Variants in SALL4 observed in about 807,000 individuals in gnomAD.
The protein encoded by SALL4 is sal-like protein 4.
Under a neutral mutation model 60.8 loss-of-function variants are expected in SALL4, and 4 were observed. That is an observed-to-expected ratio of 0.07 (90% CI 0.03 to 0.15). The LOEUF (loss-of-function observed/expected upper bound fraction) is 0.15. Ranked by LOEUF, SALL4 falls within the 10% of genes least tolerant of loss-of-function variation. The pLI, the probability that SALL4 is intolerant of heterozygous loss-of-function variation, is 1.00. For missense variants in SALL4, 1,178 were observed against 1,394.7 expected, an observed-to-expected ratio of 0.84 and a Z score of 2.48; for synonymous variants, 580 against 574.9, an observed-to-expected ratio of 1.01 and a Z score of -0.13.
At position 51,791,604 on chromosome 20, in the gene SALL4, C is replaced by T. The variant is rs2078043054; in HGVS notation, c.879G>A (p.Lys293=). 6.2e-7 allele frequency: 1 copy of T among 1,613,540 alleles called. No homozygotes were observed. Among genetic ancestry groups the T allele is most frequent in the Non-Finnish European group, 8.5e-7 (1 of 1,180,050 alleles). ...CAGAAGGGATGTTGGCGTGAGGTAG[C>T]TTGGCTTGTTTCAAGGCATCCAGAG... ...GLSLDALKQA[K]LPHANIPSAT... The change falls in exon 2 of 4, where the codon AAG becomes AAA. Residue 293 remains lysine (K), a synonymous_variant. Transcript: ENST00000217086. This position sits in a 1 kb window ranked among gnomAD's most constrained non-coding sequence, Gnocchi z 4.6.
In SALL4 at chr20:51,791,230, C is replaced by G; in HGVS notation, c.1253G>C (p.Arg418Pro). The G allele has an allele frequency of 6.2e-7, 1 of 1,614,006 alleles. No individual in the cohort carries two copies. Among genetic ancestry groups the G allele is most frequent in the Non-Finnish European group, 8.5e-7 (1 of 1,180,016 alleles). Residue 418 changes from arginine (R) to proline (P), a missense_variant, in exon 2 of 4, where the codon CGC becomes CCC. Arg to Pro is a moderately radical substitution (Grantham distance 103). Around this residue, in one of 5 missense-constraint regions of SALL4, gnomAD observed 853 missense variants for 1,036.8 expected, o/e 0.82. Transcript: ENST00000217086. This position sits in a 1 kb window ranked among gnomAD's most constrained non-coding sequence, Gnocchi z 4.6. ...RPFVCSVCGHRFTTKGNLKVH... is the reference protein window; with the variant it reads ...RPFVCSVCGHPFTTKGNLKVH... ...CTTGAGGTTGCCCTTGGTGGTGAAG[C>G]GATGACCACAGACAGAGCACACGAA...
chr20:51,784,661 C>A lies in SALL4; in HGVS notation c.2766G>T (p.Ala922=), dbSNP rs751728707. 5.0e-6 allele frequency: 8 copies of A among 1,614,104 alleles called. No homozygotes were observed. Among genetic ancestry groups the A allele is most frequent in the Non-Finnish European group, 6.8e-6 (8 of 1,180,022 alleles). ...TTCCACGGCGGGCTGAGTTATTGTT[C>A]GCCCCGTGTGTCATGTAGTGAACCT... The part of the protein sequence containing the change: ...NLKVHYMTHG[A]NNNSARRGRK... The change falls in exon 4 of 4, where the codon GCG becomes GCT. Residue 922 remains alanine, a synonymous_variant. Coordinates refer to ENST00000217086, the MANE Select transcript of SALL4 (RefSeq NM_020436.5).
At chr20:51,796,711 A>G (rs2078081771) in intron 1 of SALL4, among the ~76,000 whole-genome samples, 1 of 152,156 alleles carries the variant, frequency 6.6e-6, no homozygotes, top group African/African-American at 2.4e-5. Flanking sequence ...CTTAAATACT[A>G]TTTAACAGCA....
rs1295275935 is a variant in SALL4, at chr20:51,784,086, C to T, written c.*179G>A. ...TTTATTTTTTCAACTTTTTGCAAAG[C>T]AGCATAGCAACAATCGTGATTGTAG... is the stretch of plus-strand genomic sequence containing the variant. On this transcript the variant is annotated 3_prime_UTR_variant, in exon 4 of 4. Coordinates refer to ENST00000217086, the MANE Select transcript of SALL4 (RefSeq NM_020436.5). 1.5e-6 allele frequency: 1 copy of T among 687,126 alleles called. No individual in the cohort carries two copies. Among genetic ancestry groups the T allele is most frequent in the Non-Finnish European group, 2.4e-6 (1 of 409,274 alleles). The allele number at this position is 687,126 out of a possible 1,614,324, so 42.6% of individuals were successfully genotyped here. A position where few individuals can be genotyped will look rare whatever the true frequency, so the allele number is the denominator to read the frequency against.
chr20:51,793,647 T>C (rs2078062907), intron 1 of SALL4, among the ~76,000 whole-genome samples: 3 of 152,276 alleles, frequency 2.0e-5, no homozygotes, highest in Admixed American at 2.0e-4. Context: ...CAGGCTGGTC[T>C]CAAACTCCTG....
At chr20:51,789,274 C>CG in intron 2 of SALL4, 133 bp from the exon 3 acceptor site, 1 of 916,494 alleles carries the variant, frequency 1.1e-6, no homozygotes, top group East Asian at 2.6e-5. Context: ...AAGTAATTAA[C>CG]ACCTTCCCCT....
At position 51,801,377 on chromosome 20, in the gene SALL4, C is replaced by A. The variant is rs532273944; in HGVS notation, c.130+902G>T. 4.8e-4 allele frequency: 73 copies of A among 152,414 alleles called. No homozygotes were observed. The highest frequency in any genetic ancestry group is 3.4e-3 in the Middle Eastern group (1 of 294). 9.4% of individuals were successfully genotyped at this position (152,414 alleles called of 1,614,324 possible). On this transcript the variant is annotated intron_variant, in intron 1 of 3. Coordinates refer to ENST00000217086, the MANE Select transcript of SALL4 (RefSeq NM_020436.5). The surrounding 1 kb of genome is among the most constrained non-coding windows in gnomAD (Gnocchi z 5.2). Reference sequence around the variant, plus strand: ...GCCCCCCACCTCTCCCCTTTCACACCCAAGCGCAAATGTGGAAAGCCGAGC... The same window carrying A: ...GCCCCCCACCTCTCCCCTTTCACACACAAGCGCAAATGTGGAAAGCCGAGC...
chr20:51,802,496 G>A lies in SALL4; in HGVS notation c.-88C>T, dbSNP rs1311625467. On this transcript the variant is annotated 5_prime_UTR_variant, in exon 1 of 4. Transcript: ENST00000217086. The stretch of plus-strand genomic sequence containing the variant: ...GAGTTGGGAAATTTACCCCCCTTCG[G>A]CCGGAACGCGCATGTCCCAGTAATT... 1.3e-6 allele frequency: 2 copies of A among 1,582,396 alleles called. No individual in the cohort carries two copies. Among genetic ancestry groups the A allele is most frequent in the Non-Finnish European group, 1.7e-6 (2 of 1,161,522 alleles).
chr20:51,784,367 C>A lies in SALL4; in HGVS notation c.3060G>T (p.Gln1020His). ...TTTCCACATCTGCACTGATACCCGA[C>A]TGGGAGCCATCCATCTTGGAGACAG... ...NATVSKMDGS[Q>H]SGISADVEKP... Residue 1020 changes from glutamine (Q) to histidine (H), a missense_variant, in exon 4 of 4, where the codon CAG becomes CAT. Physicochemically the swap from Gln to His is conservative, Grantham distance 24. This residue lies in a region of SALL4 where 174 missense variants were observed against 169.6 expected (regional missense o/e 1.03). Coordinates refer to ENST00000217086, the MANE Select transcript of SALL4 (RefSeq NM_020436.5). 3.1e-6 allele frequency: 5 copies of A among 1,614,244 alleles called. No homozygotes were observed. The highest frequency in any genetic ancestry group is 4.2e-6 in the Non-Finnish European group (5 of 1,180,050).
intron 1 of SALL4, chr20:51,797,674 A>T (rs2078086725): frequency 6.6e-6 from 1 of 152,078 alleles, no homozygotes; most frequent in South Asian, 2.1e-4. Context: ...CAGAGGGATT[A>T]CACAGCAACT....
intron 1 of SALL4, chr20:51,793,105 G>A (rs1431100441): frequency 1.6e-5 from 5 of 318,196 alleles, no homozygotes; most frequent in Admixed American, 6.5e-5. Context: ...TGAGAAATAT[G>A]CAGAATTTCT....
At position 51,791,559 on chromosome 20, in the gene SALL4, T is replaced by G. The variant is rs777835508; in HGVS notation, c.924A>C (p.Pro308=). 1.2e-6 allele frequency: 2 copies of G among 1,613,774 alleles called. No homozygotes were observed. The highest frequency in any genetic ancestry group is 1.7e-6 in the Non-Finnish European group (2 of 1,180,022). Residue 308 remains proline, a synonymous_variant, in exon 2 of 4, where the codon CCA becomes CCC. Transcript: ENST00000217086. This position sits in a 1 kb window ranked among gnomAD's most constrained non-coding sequence, Gnocchi z 4.6. ...GCTTCAGAGTGAAGGGTGCCAGCCC[T>G]GGGGACAGGGAGCTGGTGGCAGAAG... is the stretch of plus-strand genomic sequence containing the variant. ...NIPSATSSLS[P]GLAPFTLKPD...
chr20:51,784,457 G>T lies in SALL4; in HGVS notation c.2970C>A (p.Ile990=). ...GGAGGGTAGGAACCCCCCCACTCTG[G>T]ATCACAGAGATCTCATTGGTCTTCA... is the stretch of plus-strand genomic sequence containing the variant. ...LAVKTNEISV[I]QSGGVPTLPV... Residue 990 remains isoleucine (I), a synonymous_variant, in exon 4 of 4, where the codon ATC becomes ATA. Coordinates refer to ENST00000217086, the MANE Select transcript of SALL4 (RefSeq NM_020436.5). The T allele has an allele frequency of 6.2e-7, 1 of 1,614,182 alleles. No individual in the cohort carries two copies. Among genetic ancestry groups the T allele is most frequent in the Non-Finnish European group, 8.5e-7 (1 of 1,180,042 alleles).
chr20:51,785,673 T>G (rs1392095330), intron 3 of SALL4, among the ~76,000 whole-genome samples: 1 of 152,120 alleles, frequency 6.6e-6, no homozygotes, highest in Non-Finnish European at 1.5e-5. Flanking sequence ...AGACGGAGTC[T>G]CGCTCTGTCG....
rs1184036360 is a variant in SALL4 at position 51,792,073 on chromosome 20, C to T, written c.410G>A (p.Gly137Asp). 1 of 1,614,184 alleles carries T rather than the reference C, an allele frequency of 6.2e-7. No individual in the cohort carries two copies. The highest frequency in any genetic ancestry group is 8.5e-7 in the Non-Finnish European group (1 of 1,180,038). ...CTCCTTCATGTCCTCTGAGCTGCCGCCATTCTCCCTGTGACAGTCCTTACT... is the reference window on the plus strand; with the variant it reads ...CTCCTTCATGTCCTCTGAGCTGCCGTCATTCTCCCTGTGACAGTCCTTACT... Reference protein sequence around the residue: ...PGSKDCHRENGGSSEDMKEKP... With the variant: ...PGSKDCHRENDGSSEDMKEKP... Residue 137 changes from glycine to aspartate, a missense_variant, in exon 2 of 4, where the codon GGC becomes GAC. Physicochemically the swap from Gly to Asp is moderately conservative, Grantham distance 94. This residue lies in a region of SALL4 where 853 missense variants were observed against 1,036.8 expected (regional missense o/e 0.82). Transcript: ENST00000217086.
In SALL4 at chr20:51,790,560, C is replaced by T. The variant is rs752826212; in HGVS notation, c.1923G>A (p.Leu641=). The part of the protein sequence containing the change: ...CQKKFTNAVM[L]QQHIRMHMGG... ...CCATGTGCATCCGAATATGTTGCTGCAGCATCACGGCATTAGTGAACTTCT... is the reference window on the plus strand; with the variant it reads ...CCATGTGCATCCGAATATGTTGCTGTAGCATCACGGCATTAGTGAACTTCT... The change falls in exon 2 of 4, where the codon CTG becomes CTA. Residue 641 remains leucine, a synonymous_variant. Coordinates refer to ENST00000217086, the MANE Select transcript of SALL4 (RefSeq NM_020436.5). This position sits in a 1 kb window ranked among gnomAD's most constrained non-coding sequence, Gnocchi z 5.5. 2 of 1,614,200 alleles carry T rather than the reference C, an allele frequency of 1.2e-6. No homozygotes were observed. Among genetic ancestry groups the T allele is most frequent in the South Asian group, 2.2e-5 (2 of 91,088 alleles).
rs1601166004 is a variant in SALL4, at chr20:51,788,110, C to T, written c.2742+751G>A. Among the ~76,000 whole-genome samples the T allele has an allele frequency of 6.6e-6, 1 of 151,876 alleles. No individual in the cohort carries two copies. ...AAGTACTCAGATTATGGGTGCTGAG[C>T]CACTGCACCCAGGTAGTATTTCTAA... On this transcript the variant is annotated intron_variant, in intron 3 of 3. Transcript: ENST00000217086. The surrounding 1 kb of genome is among the most constrained non-coding windows in gnomAD (Gnocchi z 4.1).
intron 1 of SALL4, among the ~76,000 whole-genome samples, chr20:51,793,629 A>C (rs1030545454): frequency 6.6e-6 from 1 of 152,106 alleles, no homozygotes; most frequent in Non-Finnish European, 1.5e-5. Context: ...GGGTTTCACC[A>C]TGTTGGCCAG....
At chr20:51,786,343 C>T (rs551049137) in intron 3 of SALL4, among the ~76,000 whole-genome samples, 2 of 152,224 alleles carry the variant, frequency 1.3e-5, no homozygotes, top group African/African-American at 4.8e-5. Context: ...ATCCGCCCAC[C>T]TCGGCCTCCC....
Sources: allele counts gnomAD v4.1 joint callset (sites outside exome capture counted in the v4.1 genomes callset), GRCh38; gene constraint gnomAD v4.1.1; regional missense constraint gnomAD v4.1.1; non-coding constraint Gnocchi (gnomAD v3.1); transcripts MANE v1.5; gene names NCBI Gene and HGNC (gene_info 2026-07-23, HGNC 2026-07-21).